Variants in LEKR1 observed in about 807,000 individuals in gnomAD.
LEKR1 encodes protein LEKR1.
LEKR1 carries 59 observed loss-of-function variants against 72.4 expected under a neutral mutation model. The ratio of observed to expected loss-of-function variants is 0.82; its 90% CI spans 0.66 to 1.01. The LOEUF is 1.01. LEKR1 is among the 50% of genes least tolerant of loss of function. The probability of loss-of-function intolerance (pLI) is 0.00; values close to 1 mark genes in which losing one functional copy is unlikely to be tolerated. For synonymous variants in LEKR1, 257 were observed against 263.2 expected, an observed-to-expected ratio of 0.98 and a Z score of 0.23; for missense variants, 728 against 759.2, an observed-to-expected ratio of 0.96 and a Z score of 0.48.
At chr3:157,025,988 T>C (rs1444183194) in intron 11 of LEKR1, among the ~76,000 whole-genome samples, 1 of 152,066 alleles carries the variant, frequency 6.6e-6, no homozygotes, top group East Asian at 1.9e-4. Flanking sequence ...AGTTCAAAGC[T>C]TCTGTGAGCT....
intron 11 of LEKR1, among the ~76,000 whole-genome samples, chr3:157,025,559 C>G (rs1021026628): frequency 6.6e-6 from 1 of 152,102 alleles, no homozygotes; most frequent in African/African-American, 2.4e-5. Context: ...CAGACAAGAC[C>G]TAATGGCTTC....
intron 6 of LEKR1, among the ~76,000 whole-genome samples, chr3:156,946,683 A>G (rs895226247): frequency 1.3e-5 from 2 of 151,416 alleles, no homozygotes; most frequent in African/African-American, 2.4e-5. Flanking sequence ...TTTTTTCAGA[A>G]TCAACTGAAA....
intron 3 of LEKR1, among the ~76,000 whole-genome samples, chr3:156,857,412 T>C (rs1716203644): frequency 6.6e-6 from 1 of 152,136 alleles, no homozygotes; most frequent in Non-Finnish European, 1.5e-5. Context: ...TCTATGCATA[T>C]AGTAAGTGGA....
intron 10 of LEKR1, among the ~76,000 whole-genome samples, chr3:157,013,567 T>C (rs1456143284): frequency 6.6e-6 from 1 of 152,156 alleles, no homozygotes; most frequent in Non-Finnish European, 1.5e-5. Flanking sequence ...TATATATGTA[T>C]ATATTTTCTA....
intron 7 of LEKR1, among the ~76,000 whole-genome samples, chr3:156,987,143 A>C (rs1412701468): frequency 2.6e-5 from 4 of 152,134 alleles, no homozygotes; most frequent in East Asian, 3.8e-4. Context: ...AATTGAAGAG[A>C]AAGGATTACC....
intron 2 of LEKR1, among the ~76,000 whole-genome samples, chr3:156,837,783 G>A (rs344079): frequency 0.84 from 128,407 of 152,180 alleles, 54,335 homozygotes; most frequent in African/African-American, 0.91. Context: ...GCGCAGAAAG[G>A]GGCCAGAAGC....
intron 9 of LEKR1, among the ~76,000 whole-genome samples, chr3:156,996,994 G>C (rs1211588184): frequency 6.6e-6 from 1 of 151,896 alleles, no homozygotes; most frequent in Admixed American, 6.6e-5. Context: ...GAACCTGGGA[G>C]GCGGAGGTTG....
At chr3:156,921,593 C>T (rs1465913868) in intron 4 of LEKR1, among the ~76,000 whole-genome samples, 2 of 152,182 alleles carry the variant, frequency 1.3e-5, no homozygotes, top group Non-Finnish European at 2.9e-5. Context: ...TCCCCTTGAT[C>T]CTTTCCTAGA....
intron 2 of LEKR1, among the ~76,000 whole-genome samples, chr3:156,850,747 G>A (rs1715253265): frequency 6.6e-6 from 1 of 152,198 alleles, no homozygotes; most frequent in African/African-American, 2.4e-5. Flanking sequence ...TGGTTCACCA[G>A]TCAGCCATGG....
chr3:156,927,305 T>C (rs1724807718), intron 4 of LEKR1, 124 bp from the exon 5 acceptor site: 1 of 275,554 alleles, frequency 3.6e-6, no homozygotes, highest in Admixed American at 6.2e-5. Flanking sequence ...TACCACCTTC[T>C]TTTGGTTTCA....
intron 3 of LEKR1, among the ~76,000 whole-genome samples, chr3:156,881,983 C>T (rs1576731145): frequency 1.4e-5 from 2 of 143,112 alleles, no homozygotes; most frequent in African/African-American, 2.6e-5. Context: ...TTCCTTACAC[C>T]TTATACAAAA....
At chr3:157,001,822 T>C (rs947191385) in intron 9 of LEKR1, among the ~76,000 whole-genome samples, 4 of 152,032 alleles carry the variant, frequency 2.6e-5, no homozygotes, top group African/African-American at 7.2e-5. Flanking sequence ...ACGGAGGGAG[T>C]TGTATTAACA....
chr3:156,947,140 T>A (rs1726757840), intron 6 of LEKR1, among the ~76,000 whole-genome samples: 1 of 151,262 alleles, frequency 6.6e-6, no homozygotes, highest in Non-Finnish European at 1.5e-5. Context: ...TGATCTTTAT[T>A]TCTTTTCTTC....
At chr3:157,020,587 G>T (rs893108029) in intron 10 of LEKR1, among the ~76,000 whole-genome samples, 38 of 151,458 alleles carry the variant, frequency 2.5e-4, no homozygotes, top group African/African-American at 9.2e-4. Context: ...TTTCATCCAT[G>T]TACCTACAAA....
At chr3:156,965,658 C>A (rs2055890138) in intron 6 of LEKR1, among the ~76,000 whole-genome samples, 1 of 152,056 alleles carries the variant, frequency 6.6e-6, no homozygotes, top group Non-Finnish European at 1.5e-5. Context: ...GTTAAATGTA[C>A]TTCAAGAACA....
chr3:156,968,373 G>T (rs1576916789), intron 6 of LEKR1, among the ~76,000 whole-genome samples: 1 of 152,250 alleles, frequency 6.6e-6, no homozygotes, highest in South Asian at 2.1e-4. Context: ...GCTGTATTCA[G>T]GAAACCCATC....
At chr3:156,940,159 T>G (rs898990080) in intron 5 of LEKR1, among the ~76,000 whole-genome samples, 1 of 152,162 alleles carries the variant, frequency 6.6e-6, no homozygotes, top group Admixed American at 6.6e-5. Flanking sequence ...TTTATTGAGC[T>G]CTTGTTAATC....
intron 6 of LEKR1, among the ~76,000 whole-genome samples, chr3:156,950,225 T>A (rs1727028922): frequency 6.6e-6 from 1 of 151,544 alleles, no homozygotes; most frequent in Non-Finnish European, 1.5e-5. Flanking sequence ...TCTTATATTG[T>A]TTTGATTACT....
intron 9 of LEKR1, among the ~76,000 whole-genome samples, chr3:157,011,141 C>G (rs1021981248): frequency 6.6e-6 from 1 of 152,000 alleles, no homozygotes; most frequent in East Asian, 1.9e-4. Context: ...GTATTTGTGA[C>G]TCTGCATATG....
Sources: allele counts gnomAD v4.1 joint callset (sites outside exome capture counted in the v4.1 genomes callset), GRCh38; gene constraint gnomAD v4.1.1; transcripts MANE v1.5; gene names NCBI Gene and HGNC (gene_info 2026-07-23, HGNC 2026-07-21).